Variants in FAM193B observed in about 807,000 individuals in gnomAD.
FAM193B encodes the protein family with sequence similarity 193 member B.
FAM193B carries 27 observed loss-of-function variants against 70.7 expected under a neutral mutation model. The ratio of observed to expected loss-of-function variants is 0.38; its 90% CI spans 0.28 to 0.53. The LOEUF is 0.53. FAM193B is among the 20% of genes least tolerant of loss of function. The pLI, the probability that FAM193B is intolerant of heterozygous loss-of-function variation, is 0.81. For missense variants in FAM193B, 1,022 were observed against 1,072.5 expected, an observed-to-expected ratio of 0.95 and a Z score of 0.66; for synonymous variants, 448 against 436.0, an observed-to-expected ratio of 1.03 and a Z score of -0.34.
intron 5 of FAM193B, among the ~76,000 whole-genome samples, chr5:177,530,535 G>A (rs373188194): frequency 8.5e-5 from 13 of 152,264 alleles, no homozygotes; most frequent in African/African-American, 2.9e-4. Context: ...CTTGGCCTGC[G>A]TTTCCTGCCT....
intron 5 of FAM193B, among the ~76,000 whole-genome samples, chr5:177,529,225 C>T (rs77001462): frequency 0.064 from 9,529 of 149,020 alleles, 374 homozygotes; most frequent in East Asian, 0.18. Flanking sequence ...CTCTCACCTT[C>T]GTGTAGACAG....
chr5:177,523,054 C>T (rs1240104408), intron 7 of FAM193B: 1 of 182,702 alleles, frequency 5.5e-6, no homozygotes, highest in East Asian at 1.7e-4. Flanking sequence ...GAGTCTCGTT[C>T]TGTGGCCCAA....
At chr5:177,543,450 C>T (rs946352687) in intron 1 of FAM193B, among the ~76,000 whole-genome samples, 1 of 152,228 alleles carries the variant, frequency 6.6e-6, no homozygotes, top group African/African-American at 2.4e-5. Flanking sequence ...ACTAGTTTAT[C>T]CACTGTCCTC....
In FAM193B at chr5:177,539,119, T is replaced by C. The variant is rs1764541416; in HGVS notation, c.239A>G (p.Gln80Arg). Residue 80 changes from glutamine to arginine, a missense_variant, in exon 2 of 9, where the codon CAG becomes CGG. Physicochemically the swap from Gln to Arg is conservative, Grantham distance 43. Coordinates refer to ENST00000514747, the MANE Select transcript of FAM193B (RefSeq NM_001190946.3). The part of the protein sequence containing the change: ...QVPPASSQPV[Q>R]TCCLLCHRER... ...CCGGTGACACAGCAGGCAGCAAGTC[T>C]GCACAGGCTGGCTGGAGGCGGGGGG... 6.3e-7 allele frequency: 1 copy of C among 1,594,746 alleles called. No individual in the cohort carries two copies. The highest frequency in any genetic ancestry group is 1.3e-5 in the African/African-American group (1 of 74,644).
intron 1 of FAM193B, among the ~76,000 whole-genome samples, chr5:177,545,752 A>G (rs1191148781): frequency 6.6e-6 from 1 of 151,978 alleles, no homozygotes; most frequent in Non-Finnish European, 1.5e-5. Context: ...ACCCATTGCC[A>G]GACCAGACAG....
Position 177,554,495 on chromosome 5 carries a change from C to CGG in FAM193B, c.-38_-37insCC, listed in dbSNP as rs1476077367. The CGG allele has an allele frequency of 1.2e-3, 22 of 17,740 alleles. 2 individuals carry two copies. The highest frequency in any genetic ancestry group is 2.2e-3 in the South Asian group (1 of 460). 1.1% of individuals were successfully genotyped at this position (17,740 alleles called of 1,614,324 possible). A position where few individuals can be genotyped will look rare whatever the true frequency, so the allele number is the denominator to read the frequency against. ...CGCCGCTCCCTCGCTCCACACGCCG[C>CGG]CGCCGCCGCCGCCGCCGCCGCCGCC... is the stretch of plus-strand genomic sequence containing the variant. On this transcript the variant is annotated 5_prime_UTR_variant, in exon 1 of 9. Transcript: ENST00000514747.
chr5:177,554,549 G>A lies in FAM193B; in HGVS notation c.-91C>T, dbSNP rs568447685. The A allele has an allele frequency of 4.0e-6, 3 of 748,270 alleles. No homozygotes were observed. Among genetic ancestry groups the A allele is most frequent in the African/African-American group, 2.1e-5 (1 of 46,612 alleles). The allele number at this position is 748,270 out of a possible 1,614,324, so 46.4% of individuals were successfully genotyped here. A position where few individuals can be genotyped will look rare whatever the true frequency, so the allele number is the denominator to read the frequency against. ...GCCGCCGCTACCGCTCCCCTCACAG[G>A]ACAACAGCCAATATGGCGGCGCCCG... is the stretch of plus-strand genomic sequence containing the variant. On this transcript the variant is annotated 5_prime_UTR_variant, in exon 1 of 9. Transcript: ENST00000514747.
In FAM193B at chr5:177,532,501, T is replaced by G. The variant is rs1186755472; in HGVS notation, c.1217A>C (p.His406Pro). ...GTCACAGAACTTCCCATCTCTCTGG[T>G]GGGTGGAGGATGAGGTGCAGGAGCT... ...ERSSCTSSST[H>P]QRDGKFCDCC... is the part of the protein sequence containing the mutation. The change falls in exon 5 of 9, where the codon CAC (histidine) becomes CCC (proline). Residue 406 changes from histidine to proline, a missense_variant. By Grantham distance (77) the His-to-Pro change is moderately conservative (BLOSUM62 -2). Coordinates refer to ENST00000514747, the MANE Select transcript of FAM193B (RefSeq NM_001190946.3). This position sits in a 1 kb window ranked among gnomAD's most constrained non-coding sequence, Gnocchi z 4.9. 9 of 1,611,794 alleles carry G rather than the reference T, an allele frequency of 5.6e-6. No individual in the cohort carries two copies. The Admixed American group carries it at 1.5e-4, about 27-fold the overall frequency.
At chr5:177,535,939 A>G (rs1764113023) in intron 4 of FAM193B, among the ~76,000 whole-genome samples, 1 of 149,524 alleles carries the variant, frequency 6.7e-6, no homozygotes, top group Non-Finnish European at 1.5e-5. Flanking sequence ...TTTTTTTTTT[A>G]AAGCTCTGTC....
At position 177,549,168 on chromosome 5, in the gene FAM193B, T is replaced by C. The variant is rs1765847478; in HGVS notation, c.210+5081A>G. Among the ~76,000 whole-genome samples, 3 of 151,204 alleles carry C rather than the reference T, an allele frequency of 2.0e-5. No homozygotes were observed. In the Admixed American group the frequency reaches 2.0e-4, roughly 10 times the overall value. On this transcript the variant is annotated intron_variant, in intron 1 of 8. Transcript: ENST00000514747. ...TTGTTGGACCCTAACATTAACCATG[T>C]AAGACTGGATTGTCTTTTCTTTTTT...
At chr5:177,552,107 T>C in intron 1 of FAM193B, 1 of 976,148 alleles carries the variant, frequency 1.0e-6, no homozygotes, top group Non-Finnish European at 1.2e-6. Context: ...AAATGTTTAG[T>C]TGCTCTGAGT....
chr5:177,554,498 C>G lies in FAM193B; in HGVS notation c.-40G>C, dbSNP rs1766807818. 5.9e-6 allele frequency: 4 copies of G among 675,838 alleles called. No homozygotes were observed. Among genetic ancestry groups the G allele is most frequent in the East Asian group, 1.3e-4 (1 of 7,524 alleles). 41.9% of individuals were successfully genotyped at this position (675,838 alleles called of 1,614,324 possible). On this transcript the variant is annotated 5_prime_UTR_variant, in exon 1 of 9. Transcript: ENST00000514747. ...CGCTCCCTCGCTCCACACGCCGCCGCCGCCGCCGCCGCCGCCGCCGCCGCC... is the reference window on the plus strand; with the variant it reads ...CGCTCCCTCGCTCCACACGCCGCCGGCGCCGCCGCCGCCGCCGCCGCCGCC...
intron 1 of FAM193B, among the ~76,000 whole-genome samples, chr5:177,549,317 A>C (rs913665075): frequency 1.3e-5 from 2 of 150,990 alleles, no homozygotes; most frequent in African/African-American, 4.9e-5. Context: ...CTCAGCCTCC[A>C]AAGTAGCTGG....
At position 177,536,567 on chromosome 5, in the gene FAM193B, C is replaced by A; in HGVS notation, c.867G>T (p.Gln289His). 6.6e-7 allele frequency: 1 copy of A among 1,524,244 alleles called. No individual in the cohort carries two copies. The highest frequency in any genetic ancestry group is 1.3e-5 in the South Asian group (1 of 79,290). 94.4% of individuals were successfully genotyped at this position (1,524,244 alleles called of 1,614,324 possible). ...PTTPAAPFPAQASECPVAAAT... is the reference protein window; with the variant it reads ...PTTPAAPFPAHASECPVAAAT... ...CAGCAGCAACAGGGCACTCTGAAGC[C>A]TGGGCAGGGAAAGGTGCTGCCGGGG... is the stretch of plus-strand genomic sequence containing the variant. Residue 289 changes from glutamine to histidine, a missense_variant, in exon 4 of 9, where the codon CAG (glutamine) becomes CAT (histidine). Physicochemically the swap from Gln to His is conservative, Grantham distance 24 (BLOSUM62 0). Coordinates refer to ENST00000514747, the MANE Select transcript of FAM193B (RefSeq NM_001190946.3).
At chr5:177,549,231 C>T (rs1427772931) in intron 1 of FAM193B, among the ~76,000 whole-genome samples, 1 of 145,772 alleles carries the variant, frequency 6.9e-6, no homozygotes, top group African/African-American at 2.6e-5. Flanking sequence ...CTCGCTCTGT[C>T]GCCCAGGCTG....
rs773609918 is a variant in FAM193B at position 177,539,108 on chromosome 5, G to C, written c.250C>G (p.Leu84Val). ...ASSQPVQTCCLLCHRERKGWE... is the reference protein window; with the variant it reads ...ASSQPVQTCCVLCHRERKGWE... ...CCTTTGCGTTCCCGGTGACACAGCA[G>C]GCAGCAAGTCTGCACAGGCTGGCTG... Residue 84 changes from leucine (L) to valine (V), a missense_variant, in exon 2 of 9, where the codon CTG (leucine) becomes GTG (valine). Coordinates refer to ENST00000514747, the MANE Select transcript of FAM193B (RefSeq NM_001190946.3). The C allele has an allele frequency of 1.2e-6, 2 of 1,603,522 alleles. No homozygotes were observed. The highest frequency in any genetic ancestry group is 2.2e-5 in the East Asian group (1 of 44,630).
chr5:177,522,035 T>C lies in FAM193B; in HGVS notation c.2409A>G (p.Lys803=), dbSNP rs1237456739. Residue 803 remains lysine, a synonymous_variant, in exon 8 of 9, where the codon AAA becomes AAG. Coordinates refer to ENST00000514747, the MANE Select transcript of FAM193B (RefSeq NM_001190946.3). ...TGAAGTTGGTCCAGTTCACAGCAAC[T>C]TTCTGACGAGTCTGCTTTGCAGAAT... ...CLDSAKQTRQ[K]VAVNWTNFSL... 6.2e-6 allele frequency: 10 copies of C among 1,614,050 alleles called. No individual in the cohort carries two copies. The highest frequency in any genetic ancestry group is 5.9e-6 in the Non-Finnish European group (7 of 1,179,902).
chr5:177,526,293 C>T (rs28429410), intron 5 of FAM193B, among the ~76,000 whole-genome samples: 149,111 of 152,306 alleles, frequency 0.98, 73,081 homozygotes, highest in East Asian at 1. Context: ...GAAGAAGAGG[C>T]ATCTCTACAT....
At chr5:177,550,443 G>GCA (rs1322996617) in intron 1 of FAM193B, among the ~76,000 whole-genome samples, 3 of 152,236 alleles carry the variant, frequency 2.0e-5, no homozygotes, top group Non-Finnish European at 4.4e-5. Context: ...AACATAATGA[G>GCA]ATGCTTTTAT....
Sources: gnomAD v4.1 joint callset for allele counts (sites outside exome capture counted in the v4.1 genomes callset) on GRCh38, gnomAD v4.1.1 for gene constraint, Gnocchi (gnomAD v3.1) non-coding constraint, MANE v1.5 for transcripts, NCBI Gene and HGNC (gene_info 2026-07-23, HGNC 2026-07-21) for gene names.